RAPGEF5: variants seen among roughly 807,000 people sequenced by gnomAD.
RAPGEF5 encodes M-Ras-regulated GEF.
RAPGEF5 carries 65 observed loss-of-function variants against 125.2 expected under a neutral mutation model. The ratio of observed to expected loss-of-function variants is 0.52; its 90% CI spans 0.43 to 0.64. The LOEUF is 0.64. RAPGEF5 is among the 30% of genes least tolerant of loss of function. The pLI is 0.00. For synonymous variants in RAPGEF5, 391 were observed against 385.9 expected (o/e 1.01, Z -0.16); for missense variants, 958 against 1,048.1 (o/e 0.91, Z 1.19).
At position 22,357,105 on chromosome 7, in the gene RAPGEF5, C is replaced by G; in HGVS notation, c.-45G>C. ...GCCGGGGGCTCCTCTCCACCGCGCT[C>G]GCCTCCGCGCGCCGTCCGCGCCTTC... On this transcript the variant is annotated 5_prime_UTR_variant, in exon 1 of 26. Transcript: ENST00000665637. The G allele has an allele frequency of 1.0e-6, 1 of 963,278 alleles. No individual in the cohort carries two copies. Among genetic ancestry groups the G allele is most frequent in the Non-Finnish European group, 1.2e-6 (1 of 802,846 alleles). 59.7% of individuals were successfully genotyped at this position (963,278 alleles called of 1,614,324 possible).
At chr7:22,160,648 T>C in intron 13 of RAPGEF5, 33 bp from the exon 14 acceptor site, 2 of 1,507,884 alleles carry the variant, frequency 1.3e-6, no homozygotes, top group Non-Finnish European at 1.8e-6. Flanking sequence ...AGCTCAGTGG[T>C]TGAATGCCCA....
chr7:22,293,694 GC>G (rs1782986313), intron 5 of RAPGEF5, among the ~76,000 whole-genome samples: 1 of 152,012 alleles, frequency 6.6e-6, no homozygotes, highest in African/African-American at 2.4e-5. Flanking sequence ...CATGCCCCAT[GC>G]CCCGCTGCAC....
At chr7:22,251,353 G>A (rs112868078) in intron 7 of RAPGEF5, among the ~76,000 whole-genome samples, 125 of 152,222 alleles carry the variant, frequency 8.2e-4, no homozygotes, top group African/African-American at 2.6e-3. Context: ...CAGATACAGC[G>A]TTATAAGTGG....
chr7:22,160,187 T>C (rs1583428335), intron 14 of RAPGEF5, among the ~76,000 whole-genome samples: 1 of 152,256 alleles, frequency 6.6e-6, no homozygotes, highest in African/African-American at 2.4e-5. Context: ...TCCATAGAGA[T>C]AGTTACAAGC....
intron 17 of RAPGEF5, 72 bp from the exon 18 acceptor site, chr7:22,150,576 T>G: frequency 6.7e-7 from 1 of 1,487,100 alleles, no homozygotes; most frequent in Non-Finnish European, 8.9e-7. Flanking sequence ...GCCTACACAG[T>G]ACACTTAAAA....
Position 22,162,498 on chromosome 7 carries a change from C to T in RAPGEF5, c.1327G>A (p.Val443Ile), listed in dbSNP as rs374412138. The change falls in exon 13 of 26, where the codon GTT becomes ATT. Residue 443 changes from valine to isoleucine, a missense_variant. Transcript: ENST00000665637. ...KYQGKEENSDVPRRKRKVLHL... is the reference protein window; with the variant it reads ...KYQGKEENSDIPRRKRKVLHL... Reference sequence around the variant, plus strand: ...AAGACTTTACGTTTCCTACGCGGAACGTCTGAGTTTTCCTCTTTGCCTTGA... The same window carrying T: ...AAGACTTTACGTTTCCTACGCGGAATGTCTGAGTTTTCCTCTTTGCCTTGA... 8.7e-6 allele frequency: 14 copies of T among 1,609,566 alleles called. No individual in the cohort carries two copies. Among genetic ancestry groups the T allele is most frequent in the Non-Finnish European group, 1.1e-5 (13 of 1,175,954 alleles).
At chr7:22,256,903 G>A (rs764032633) in intron 7 of RAPGEF5, among the ~76,000 whole-genome samples, 1 of 152,142 alleles carries the variant, frequency 6.6e-6, no homozygotes, top group African/African-American at 2.4e-5. Flanking sequence ...ACTAAGGTTC[G>A]CTCTTAGGGT....
intron 9 of RAPGEF5, among the ~76,000 whole-genome samples, chr7:22,205,699 C>T (rs554259795): frequency 6.6e-6 from 1 of 152,318 alleles, no homozygotes; most frequent in Admixed American, 6.5e-5. Flanking sequence ...GAGTTCAAGG[C>T]AGTAAGAGCT....
At chr7:22,306,612 T>C (rs1240001145) in intron 5 of RAPGEF5, among the ~76,000 whole-genome samples, 1 of 152,218 alleles carries the variant, frequency 6.6e-6, no homozygotes, top group Non-Finnish European at 1.5e-5. Flanking sequence ...TTGCCTGTGC[T>C]TGTGGAGTAT....
At chr7:22,239,497 C>T (rs11761102) in intron 7 of RAPGEF5, among the ~76,000 whole-genome samples, 17,711 of 152,018 alleles carry the variant, frequency 0.12, 1,126 homozygotes, top group African/African-American at 0.14. Context: ...CCATGCTCAG[C>T]ACACTTGACA....
chr7:22,191,734 A>C lies in RAPGEF5; in HGVS notation c.1204+1633T>G. 6.5e-6 allele frequency: 3 copies of C among 461,754 alleles called. No homozygotes were observed. In the East Asian group the frequency reaches 2.1e-4, roughly 32 times the overall value. The allele number at this position is 461,754 out of a possible 1,614,324, so 28.6% of individuals were successfully genotyped here. On this transcript the variant is annotated intron_variant, in intron 11 of 25. Coordinates refer to ENST00000665637, the MANE Select transcript of RAPGEF5 (RefSeq NM_012294.5). ...AATTCTGACATTAGCAACAATAATA[A>C]GGGTGATTTGTCATTCTCAGTGTTA...
chr7:22,245,178 G>C (rs904841895), intron 7 of RAPGEF5, among the ~76,000 whole-genome samples: 2 of 152,078 alleles, frequency 1.3e-5, no homozygotes, highest in Non-Finnish European at 2.9e-5. Context: ...TTCCTATCAT[G>C]TTGTTTCAAT....
chr7:22,193,633 TCAAAGA>T, intron 10 of RAPGEF5, 178 bp from the exon 11 acceptor site: 1 of 1,550,650 alleles, frequency 6.4e-7, no homozygotes, highest in South Asian at 1.2e-5. Flanking sequence ...CAAATGAGGG[TCAAAGA>T]CCCTCAGCCG....
At chr7:22,138,736 G>A (rs1397877444) in intron 21 of RAPGEF5, among the ~76,000 whole-genome samples, 1 of 152,248 alleles carries the variant, frequency 6.6e-6, no homozygotes, top group East Asian at 1.9e-4. Flanking sequence ...CTGATGCAGT[G>A]CTCTGCACAT....
chr7:22,335,624 G>A (rs183166195), intron 1 of RAPGEF5, among the ~76,000 whole-genome samples: 3 of 151,398 alleles, frequency 2.0e-5, no homozygotes, highest in Non-Finnish European at 4.4e-5. Flanking sequence ...ACTCTAGGGT[G>A]GGGGGACACA....
chr7:22,288,833 C>G (rs1311416725), intron 6 of RAPGEF5, among the ~76,000 whole-genome samples: 1 of 152,228 alleles, frequency 6.6e-6, no homozygotes, highest in Non-Finnish European at 1.5e-5. Flanking sequence ...AGGTTTTCAA[C>G]AGCCTCTAAC....
chr7:22,178,989 G>A (rs1372410121), intron 11 of RAPGEF5, among the ~76,000 whole-genome samples: 2 of 152,004 alleles, frequency 1.3e-5, no homozygotes, highest in South Asian at 4.2e-4. Flanking sequence ...CATTCCAAAG[G>A]TCTTAGAAAC....
At chr7:22,228,610 T>C (rs1030064492) in intron 8 of RAPGEF5, among the ~76,000 whole-genome samples, 2 of 151,694 alleles carry the variant, frequency 1.3e-5, no homozygotes, top group Admixed American at 6.6e-5. Context: ...CGGGTTCAAA[T>C]GATTCTCCTG....
intron 6 of RAPGEF5, among the ~76,000 whole-genome samples, chr7:22,279,401 T>G (rs1345253): frequency 0.12 from 17,968 of 152,240 alleles, 1,241 homozygotes; most frequent in East Asian, 0.34. Flanking sequence ...TCTATTAAGT[T>G]TGAAAACTTG....
Sources: gnomAD v4.1 joint callset for allele counts (sites outside exome capture counted in the v4.1 genomes callset) on GRCh38, gnomAD v4.1.1 for gene constraint, MANE v1.5 for transcripts, NCBI Gene and HGNC (gene_info 2026-07-23, HGNC 2026-07-21) for gene names.